Variants in LRP12 observed in about 807,000 individuals in gnomAD.
LRP12 encodes the protein LDL receptor related protein 12.
In LRP12, 14 loss-of-function variants were observed where a neutral mutation model predicts 66.0. The ratio of observed to expected loss-of-function variants is 0.21; its 90% CI spans 0.14 to 0.33. The LOEUF (loss-of-function observed/expected upper bound fraction) is 0.33. LRP12 is among the 10% of genes least tolerant of loss of function. The pLI is 1.00. For missense variants in LRP12, 889 were observed against 1,053.4 expected, an observed-to-expected ratio of 0.84 and a Z score of 2.16; for synonymous variants, 357 against 359.1, an observed-to-expected ratio of 0.99 and a Z score of 0.07.
chr8:104,566,742 A>G (rs1056136212), intron 1 of LRP12, among the ~76,000 whole-genome samples: 1 of 152,192 alleles, frequency 6.6e-6, no homozygotes, highest in South Asian at 2.1e-4. Context: ...TTTCCTTAGT[A>G]GTATCTTCAA....
At chr8:104,498,925 A>T (rs1588483132) in intron 4 of LRP12, among the ~76,000 whole-genome samples, 1 of 152,226 alleles carries the variant, frequency 6.6e-6, no homozygotes, top group East Asian at 1.9e-4. Context: ...TTTTTCTGAG[A>T]CTATAAACTA....
At chr8:104,539,357 T>C (rs1811437550) in intron 1 of LRP12, among the ~76,000 whole-genome samples, 1 of 152,216 alleles carries the variant, frequency 6.6e-6, no homozygotes, top group African/African-American at 2.4e-5. Context: ...CAGAAGAATT[T>C]AACAGGCTAG....
intron 2 of LRP12, among the ~76,000 whole-genome samples, chr8:104,521,297 G>T (rs1250610547): frequency 6.6e-6 from 1 of 151,524 alleles, no homozygotes; most frequent in East Asian, 1.9e-4. Context: ...TGGATTTTCA[G>T]ATTTGGGATA....
intron 1 of LRP12, among the ~76,000 whole-genome samples, chr8:104,544,574 A>G (rs868670797): frequency 2.2e-4 from 34 of 152,156 alleles, no homozygotes; most frequent in African/African-American, 7.2e-4. Flanking sequence ...TTTAAGTTGA[A>G]GCTAATGATT....
At chr8:104,584,591 A>G (rs757984277) in intron 1 of LRP12, among the ~76,000 whole-genome samples, 2 of 152,172 alleles carry the variant, frequency 1.3e-5, no homozygotes, top group Non-Finnish European at 2.9e-5. Context: ...CATTTACCAT[A>G]CATCATTCAA....
At chr8:104,510,785 G>A (rs562664152) in intron 2 of LRP12, among the ~76,000 whole-genome samples, 2 of 152,138 alleles carry the variant, frequency 1.3e-5, no homozygotes, top group Non-Finnish European at 2.9e-5. Flanking sequence ...CAAAAACCAT[G>A]AGCTCATAAT....
intron 2 of LRP12, 39 bp downstream of exon 2, chr8:104,531,868 G>A: frequency 7.4e-7 from 1 of 1,350,446 alleles, no homozygotes; most frequent in South Asian, 1.3e-5. Flanking sequence ...TACCATATAA[G>A]TCATGCATGA....
chr8:104,533,921 C>A (rs1187567420), intron 1 of LRP12, among the ~76,000 whole-genome samples: 1 of 151,952 alleles, frequency 6.6e-6, no homozygotes, highest in Non-Finnish European at 1.5e-5. Context: ...GGATTCTGAG[C>A]TATATTGCCA....
chr8:104,542,924 G>C (rs1811499778), intron 1 of LRP12, among the ~76,000 whole-genome samples: 1 of 151,490 alleles, frequency 6.6e-6, no homozygotes, highest in Non-Finnish European at 1.5e-5. Context: ...TCTCAAGAGT[G>C]GCAGAGGTAG....
chr8:104,507,506 G>T (rs922712018), intron 3 of LRP12: 4 of 152,106 alleles, frequency 2.6e-5, no homozygotes, highest in African/African-American at 7.2e-5. Flanking sequence ...GCTATAAGTT[G>T]TAAGTTAAAT....
intron 2 of LRP12, among the ~76,000 whole-genome samples, chr8:104,509,641 T>C (rs1057256765): frequency 6.6e-6 from 1 of 152,148 alleles, no homozygotes; most frequent in Non-Finnish European, 1.5e-5. Context: ...GTAATTCGGA[T>C]ATGTCAAAGA....
At chr8:104,523,857 C>T (rs1043408503) in intron 2 of LRP12, among the ~76,000 whole-genome samples, 1 of 152,124 alleles carries the variant, frequency 6.6e-6, no homozygotes, top group East Asian at 1.9e-4. Context: ...ATAATGTAAA[C>T]TTACAGTATC....
chr8:104,552,033 TA>T (rs1221935556), intron 1 of LRP12, among the ~76,000 whole-genome samples: 3 of 152,198 alleles, frequency 2.0e-5, no homozygotes, highest in South Asian at 2.1e-4. Context: ...AAAGAATGTA[TA>T]AAGAGAAAGC....
intron 1 of LRP12, among the ~76,000 whole-genome samples, chr8:104,541,911 C>T (rs1024656789): frequency 1.3e-5 from 2 of 152,008 alleles, no homozygotes; most frequent in African/African-American, 4.8e-5. Context: ...CACTAGGTGA[C>T]AGACATTTAG....
intron 1 of LRP12, among the ~76,000 whole-genome samples, chr8:104,580,461 C>T (rs1348940893): frequency 1.3e-5 from 2 of 151,296 alleles, no homozygotes; most frequent in African/African-American, 2.4e-5. Context: ...ACCCGCGAGG[C>T]GGGGCTTGCA....
rs1048170905 is a variant in LRP12, at chr8:104,580,176, C to T, written c.79+8643G>A. Among the ~76,000 whole-genome samples, 14 of 152,150 alleles carry T rather than the reference C, an allele frequency of 9.2e-5. No individual in the cohort carries two copies. In the South Asian group the frequency reaches 1.7e-3, roughly 18 times the overall value. Reference sequence around the variant, plus strand: ...AATGGGAGAAAATTTTTGCAAACTACGCATCTGACAAAGATTCATAATTTG... The same window carrying T: ...AATGGGAGAAAATTTTTGCAAACTATGCATCTGACAAAGATTCATAATTTG... On this transcript the variant is annotated intron_variant, in intron 1 of 6. Coordinates refer to ENST00000276654, the MANE Select transcript of LRP12 (RefSeq NM_013437.5).
chr8:104,495,419 T>G (rs1810708334), intron 5 of LRP12: 1 of 468,600 alleles, frequency 2.1e-6, no homozygotes, highest in African/African-American at 1.9e-5. Context: ...TAGGGCTTTA[T>G]GCTAGTAGAA....
chr8:104,506,475 T>C (rs533643523), intron 3 of LRP12: 37 of 152,320 alleles, frequency 2.4e-4, no homozygotes, highest in African/African-American at 8.7e-4. Flanking sequence ...CCTCTCTTCT[T>C]CTATGTTCCC....
chr8:104,548,243 C>CGATATATATTATATTAATATAT (rs1564141951), intron 1 of LRP12, among the ~76,000 whole-genome samples: 2 of 79,728 alleles, frequency 2.5e-5, no homozygotes, highest in African/African-American at 8.3e-5. Flanking sequence ...TATTAATATA[C>CGATATATATTATATTAATATAT]GATATATATT....
Sources: allele counts gnomAD v4.1 joint callset (sites outside exome capture counted in the v4.1 genomes callset), GRCh38; gene constraint gnomAD v4.1.1; transcripts MANE v1.5; gene names NCBI Gene and HGNC (gene_info 2026-07-23, HGNC 2026-07-21).